The following VWA2 variants were observed in gnomAD, a reference collection of about 807,000 sequenced individuals.
VWA2 encodes the protein von Willebrand factor A domain-containing protein 2.
A neutral mutation model predicts 70.4 loss-of-function variants in VWA2; 73 were observed. That is an observed-to-expected ratio of 1.04 (90% CI 0.86 to 1.26). The LOEUF is 1.26. VWA2 is among the 50% of genes most tolerant of loss of function. The pLI is 0.00. For synonymous variants in VWA2, 407 were observed against 423.3 expected, an observed-to-expected ratio of 0.96 and a Z score of 0.47; for missense variants, 1,011 against 998.5, an observed-to-expected ratio of 1.01 and a Z score of -0.17.
chr10:114,277,771 C>T (rs915513107), intron 6 of VWA2, 143 bp from the exon 7 acceptor site: 1 of 1,073,504 alleles, frequency 9.3e-7, no homozygotes, highest in Non-Finnish European at 1.2e-6. Flanking sequence ...TTCCGGTTAA[C>T]TGTTTTCCTC....
At chr10:114,260,678 A>G (rs189075144) in intron 4 of VWA2, among the ~76,000 whole-genome samples, 13 of 152,314 alleles carry the variant, frequency 8.5e-5, no homozygotes, top group African/African-American at 2.2e-4. Flanking sequence ...ACAAAGTCCA[A>G]TGGCCTGGCT....
At position 114,268,893 on chromosome 10, in the gene VWA2, T is replaced by C. The variant is rs190145413; in HGVS notation, c.372-3847T>C. On this transcript the variant is annotated intron_variant, in intron 5 of 13. Transcript: ENST00000392982. ...TGTATTTTTAGTAGCAACAGGGTTT[T>C]ACCATGTTAGCCAGGATGGTCTCGA... Among the ~76,000 whole-genome samples, 1,042 of 152,232 alleles carry C rather than the reference T, an allele frequency of 6.8e-3. 10 individuals carry two copies. Among genetic ancestry groups the C allele is most frequent in the African/African-American group, 0.024 (993 of 41,564 alleles).
At chr10:114,280,750 A>T (rs2038046221) in intron 8 of VWA2, 1 of 151,990 alleles carries the variant, frequency 6.6e-6, no homozygotes, top group Non-Finnish European at 1.5e-5. Flanking sequence ...TTTTATTATT[A>T]TTTTTTTGAG....
intron 1 of VWA2, among the ~76,000 whole-genome samples, 161 bp downstream of exon 1, chr10:114,239,730 C>T (rs2036941821): frequency 6.6e-6 from 1 of 152,236 alleles, no homozygotes; most frequent in Admixed American, 6.5e-5. Flanking sequence ...GCTTTGTTCG[C>T]ATTGTCTGCG....
chr10:114,290,656 T>C (rs1340724628), intron 13 of VWA2, among the ~76,000 whole-genome samples: 2 of 152,114 alleles, frequency 1.3e-5, no homozygotes, highest in African/African-American at 4.8e-5. Context: ...TGGTAGACGG[T>C]GCTAAGCACC....
chr10:114,290,173 AG>A (rs1453094612), intron 12 of VWA2, 66 bp from the exon 13 acceptor site: 29 of 1,530,766 alleles, frequency 1.9e-5, no homozygotes, highest in Non-Finnish European at 2.5e-5. Context: ...GGGCTTACTT[AG>A]GGTAGGGGTC....
rs2133379683 is a variant in VWA2 at position 114,278,771 on chromosome 10, G to A, written c.753G>A (p.Arg251=). 1 of 1,613,906 alleles carries A rather than the reference G, an allele frequency of 6.2e-7. No homozygotes were observed. Among genetic ancestry groups the A allele is most frequent in the East Asian group, 2.2e-5 (1 of 44,880 alleles). The stretch of plus-strand genomic sequence containing the variant: ...AGCACAGGACGCTGGAGATGGTCCG[G>A]GAGTTCGCTGGCAATGCCCCATGCT... ...PCEHRTLEMV[R]EFAGNAPCWR... Residue 251 remains arginine, a synonymous_variant, in exon 8 of 14, where the codon CGG becomes CGA. Coordinates refer to ENST00000392982, the MANE Select transcript of VWA2 (RefSeq NM_001272046.2).
At chr10:114,248,600 T>G (rs1465338702) in intron 1 of VWA2, 104 bp from the exon 2 acceptor site, 22 of 955,730 alleles carry the variant, frequency 2.3e-5, no homozygotes, top group Non-Finnish European at 8.5e-6. Context: ...GGGTCATATC[T>G]GTGACCTGGA....
intron 5 of VWA2, 146 bp from the exon 6 acceptor site, chr10:114,272,594 T>C: frequency 1.5e-6 from 1 of 680,744 alleles, no homozygotes; most frequent in Non-Finnish European, 2.4e-6. Context: ...GTGGTTTAGA[T>C]GGTAGAACTA....
chr10:114,243,409 C>T (rs1267039456), intron 1 of VWA2, among the ~76,000 whole-genome samples: 2 of 152,200 alleles, frequency 1.3e-5, no homozygotes, highest in Non-Finnish European at 2.9e-5. Context: ...CATCTACCTC[C>T]GTTGACACTC....
chr10:114,258,338 T>G (rs2037374034), intron 4 of VWA2, among the ~76,000 whole-genome samples: 1 of 152,148 alleles, frequency 6.6e-6, no homozygotes, highest in Non-Finnish European at 1.5e-5. Context: ...TGCTCTGTTG[T>G]TAAGGTGGAT....
chr10:114,290,141 C>T, intron 12 of VWA2, 99 bp from the exon 13 acceptor site: 1 of 1,474,024 alleles, frequency 6.8e-7, no homozygotes, highest in Non-Finnish European at 9.1e-7. Flanking sequence ...AGACATGACT[C>T]TAGTAGCCTT....
intron 11 of VWA2, among the ~76,000 whole-genome samples, chr10:114,288,390 C>T (rs2039169231): frequency 6.6e-6 from 1 of 152,246 alleles, no homozygotes; most frequent in Non-Finnish European, 1.5e-5. Context: ...CCATTTTGTC[C>T]ATACAGCATC....
chr10:114,276,892 TAAGA>T (rs958948131), intron 6 of VWA2, among the ~76,000 whole-genome samples: 1 of 152,060 alleles, frequency 6.6e-6, no homozygotes, highest in Admixed American at 6.6e-5. Flanking sequence ...TGGCAGCTTG[TAAGA>T]AAGTCCATTG....
chr10:114,268,214 G>A (rs906220995), intron 5 of VWA2, among the ~76,000 whole-genome samples: 1 of 151,814 alleles, frequency 6.6e-6, no homozygotes, highest in Admixed American at 6.6e-5. Flanking sequence ...TGCACTGATA[G>A]CAAAATGTTT....
At chr10:114,288,470 C>T (rs892734430) in intron 11 of VWA2, among the ~76,000 whole-genome samples, 1 of 152,226 alleles carries the variant, frequency 6.6e-6, no homozygotes, top group Non-Finnish European at 1.5e-5. Flanking sequence ...GGGTTGCCCA[C>T]AAACCCAAAC....
chr10:114,252,832 C>T (rs1405980730), intron 2 of VWA2, among the ~76,000 whole-genome samples: 2 of 152,038 alleles, frequency 1.3e-5, no homozygotes, highest in Non-Finnish European at 2.9e-5. Context: ...CTCCTGACCT[C>T]AGGTGATCGG....
chr10:114,272,031 A>AC (rs2037721552), intron 5 of VWA2, among the ~76,000 whole-genome samples: 1 of 152,218 alleles, frequency 6.6e-6, no homozygotes, highest in South Asian at 2.1e-4. Context: ...CAGGACGCTT[A>AC]CAGGAGCCTC....
At chr10:114,287,756 TACCCCAC>T (rs2039092841) in intron 11 of VWA2, among the ~76,000 whole-genome samples, 1 of 152,218 alleles carries the variant, frequency 6.6e-6, no homozygotes, top group African/African-American at 2.4e-5. Flanking sequence ...GAGTTCCCTA[TACCCCAC>T]ACCCAGTTTC....
Sources: gnomAD v4.1 joint callset for allele counts (sites outside exome capture counted in the v4.1 genomes callset) on GRCh38, gnomAD v4.1.1 for gene constraint, MANE v1.5 for transcripts, NCBI Gene and HGNC (gene_info 2026-07-23, HGNC 2026-07-21) for gene names.